Variants in SFXN5 observed in about 807,000 individuals in gnomAD.
SFXN5 encodes the protein sideroflexin 5.
A neutral mutation model predicts 50.2 loss-of-function variants in SFXN5; 43 were observed. That is an observed-to-expected ratio of 0.86 (90% CI 0.67 to 1.11). The LOEUF (loss-of-function observed/expected upper bound fraction) is 1.11. Ranked by LOEUF, SFXN5 falls within the 50% of genes least tolerant of loss-of-function variation. The pLI, the probability that SFXN5 is intolerant of heterozygous loss-of-function variation, is 0.00. For synonymous variants in SFXN5, 203 were observed against 185.8 expected, an observed-to-expected ratio of 1.09 and a Z score of -0.75; for missense variants, 463 against 454.1, an observed-to-expected ratio of 1.02 and a Z score of -0.18.
In SFXN5 at chr2:73,001,598, A is replaced by C. The variant is rs1297233363; in HGVS notation, c.358-20T>G. Reference sequence around the variant, plus strand: ...GACTACCTATGAGCAAGAGAGAAGAAATGCTGAAAAAGGCAGAAGAAACAT... The same window carrying C: ...GACTACCTATGAGCAAGAGAGAAGACATGCTGAAAAAGGCAGAAGAAACAT... On this transcript the variant is annotated intron_variant, in intron 6 of 13. Coordinates refer to ENST00000272433, the MANE Select transcript of SFXN5 (RefSeq NM_144579.3). The C allele has an allele frequency of 6.2e-7, 1 of 1,613,660 alleles. No homozygotes were observed. Among genetic ancestry groups the C allele is most frequent in the Non-Finnish European group, 8.5e-7 (1 of 1,179,584 alleles).
At chr2:73,045,870 C>T (rs2105947608) in intron 2 of SFXN5, among the ~76,000 whole-genome samples, 1 of 152,260 alleles carries the variant, frequency 6.6e-6, no homozygotes, top group Admixed American at 6.5e-5. Context: ...GGGTCCTTGG[C>T]TCCCATCAGC....
At chr2:73,060,456 A>G (rs1338194471) in intron 1 of SFXN5, among the ~76,000 whole-genome samples, 3 of 152,210 alleles carry the variant, frequency 2.0e-5, no homozygotes, top group African/African-American at 4.8e-5. Context: ...AAATATGTCA[A>G]TGTCATAAAG....
intron 13 of SFXN5, among the ~76,000 whole-genome samples, chr2:72,948,114 C>T (rs975501081): frequency 6.6e-6 from 1 of 152,220 alleles, no homozygotes; most frequent in Admixed American, 6.5e-5. Context: ...AGCTGTTAAA[C>T]AGCTACTGAG....
Position 72,945,067 on chromosome 2 carries a change from G to C in SFXN5, c.978C>G (p.Ala326=), listed in dbSNP as rs749959040. ...IETSQLEPEI[A]QATSSRTVVY... is the part of the protein sequence containing the mutation. ...CCACTGTCCGGCTGCTCGTGGCCTG[G>C]GCTATCTCCGGCTCTAATTGGGATG... The change falls in exon 14 of 14, where the codon GCC becomes GCG. Residue 326 remains alanine (A), a synonymous_variant. Coordinates refer to ENST00000272433, the MANE Select transcript of SFXN5 (RefSeq NM_144579.3). The surrounding 1 kb of genome is among the most constrained non-coding windows in gnomAD (Gnocchi z 5.8). 2 of 1,614,030 alleles carry C rather than the reference G, an allele frequency of 1.2e-6. No homozygotes were observed. Among genetic ancestry groups the C allele is most frequent in the South Asian group, 2.2e-5 (2 of 91,076 alleles).
intron 7 of SFXN5, 151 bp from the exon 8 acceptor site, chr2:73,000,638 G>T: frequency 1.4e-6 from 1 of 738,486 alleles, no homozygotes; most frequent in Non-Finnish European, 2.2e-6. Context: ...CAGCATGACT[G>T]ACCGTCCTGG....
chr2:73,062,493 T>G (rs1451724598), intron 1 of SFXN5, among the ~76,000 whole-genome samples: 1 of 152,220 alleles, frequency 6.6e-6, no homozygotes, highest in African/African-American at 2.4e-5. Flanking sequence ...AACTTCAGCC[T>G]TTGACTTGTC....
intron 9 of SFXN5, chr2:72,998,718 G>C (rs528469219): frequency 1.8e-6 from 1 of 553,958 alleles, no homozygotes; most frequent in South Asian, 2.3e-5. Context: ...AGTGCCCCCA[G>C]GCACAACCTC....
chr2:73,057,591 A>G (rs1682312312), intron 2 of SFXN5, among the ~76,000 whole-genome samples: 1 of 152,182 alleles, frequency 6.6e-6, no homozygotes, highest in South Asian at 2.1e-4. Context: ...ATTGATTATA[A>G]AGAGGTATGA....
At chr2:73,051,446 C>T (rs1681310549) in intron 2 of SFXN5, among the ~76,000 whole-genome samples, 1 of 152,010 alleles carries the variant, frequency 6.6e-6, no homozygotes, top group Non-Finnish European at 1.5e-5. Context: ...TTAGTAGAGA[C>T]AGGGTTTCAC....
chr2:72,951,838 A>T (rs1672570591), intron 13 of SFXN5, among the ~76,000 whole-genome samples: 1 of 152,198 alleles, frequency 6.6e-6, no homozygotes. Flanking sequence ...CGCAGGGCCC[A>T]AAGCCCAAGC....
intron 3 of SFXN5, among the ~76,000 whole-genome samples, chr2:73,035,066 C>T (rs1678801673): frequency 6.6e-6 from 1 of 152,220 alleles, no homozygotes; most frequent in South Asian, 2.1e-4. Flanking sequence ...CTCTCTGAGT[C>T]TCACTGGAAA....
At chr2:72,975,202 T>C (rs961831540) in intron 10 of SFXN5, among the ~76,000 whole-genome samples, 6 of 152,166 alleles carry the variant, frequency 3.9e-5, no homozygotes, top group Non-Finnish European at 7.3e-5. Context: ...ATCCGACCCA[T>C]TGCGATGCAA....
At chr2:73,058,708 C>T in intron 1 of SFXN5, 112 bp from the exon 2 acceptor site, 1 of 923,562 alleles carries the variant, frequency 1.1e-6, no homozygotes, top group Non-Finnish European at 1.7e-6. Flanking sequence ...CCCAGGACTC[C>T]TCGTGTGGGT....
At chr2:72,957,043 C>T (rs1165759922) in intron 13 of SFXN5, 1 of 456,752 alleles carries the variant, frequency 2.2e-6, no homozygotes, top group Non-Finnish European at 4.4e-6. Context: ...GAAGTTACTC[C>T]ATCTGGGTTC....
intron 10 of SFXN5, among the ~76,000 whole-genome samples, chr2:72,986,305 C>A (rs986717512): frequency 9.9e-5 from 15 of 152,210 alleles, no homozygotes; most frequent in Admixed American, 7.9e-4. Flanking sequence ...TGACCTCTCA[C>A]CCTCTCACAG....
At chr2:73,023,287 C>G in intron 3 of SFXN5, 73 bp from the exon 4 acceptor site, 1 of 1,448,970 alleles carries the variant, frequency 6.9e-7, no homozygotes, top group Non-Finnish European at 9.4e-7. Flanking sequence ...GGCTTCCAAC[C>G]CATGTTTTCT....
intron 1 of SFXN5, chr2:73,071,360 G>A (rs1683594321): frequency 2.0e-6 from 1 of 508,032 alleles, no homozygotes; most frequent in South Asian, 2.5e-5. Context: ...GGAAAGGCTA[G>A]AGGGCGCGGG....
intron 8 of SFXN5, 116 bp downstream of exon 8, chr2:73,000,315 G>A (rs1405438910): frequency 1.1e-6 from 1 of 952,090 alleles, no homozygotes; most frequent in Non-Finnish European, 1.6e-6. Context: ...ATATCTAGAG[G>A]AGGGCCATGC....
intron 11 of SFXN5, among the ~76,000 whole-genome samples, chr2:72,970,029 G>A (rs971880234): frequency 6.6e-6 from 1 of 152,178 alleles, no homozygotes; most frequent in Non-Finnish European, 1.5e-5. Flanking sequence ...GATGCCTGGA[G>A]TCCTTCCCCG....
Sources: allele counts gnomAD v4.1 joint callset (sites outside exome capture counted in the v4.1 genomes callset), GRCh38; gene constraint gnomAD v4.1.1; non-coding constraint Gnocchi (gnomAD v3.1); transcripts MANE v1.5; gene names NCBI Gene and HGNC (gene_info 2026-07-23, HGNC 2026-07-21).